The following MTUS1 variants were observed in gnomAD, a reference collection of about 807,000 sequenced individuals.
The protein encoded by MTUS1 is microtubule-associated tumor suppressor 1.
In MTUS1, 109 loss-of-function variants were observed where a neutral mutation model predicts 120.8. That is an observed-to-expected ratio of 0.90 (90% CI 0.77 to 1.06). The LOEUF (loss-of-function observed/expected upper bound fraction) is 1.06. Ranked by LOEUF, MTUS1 falls within the 50% of genes least tolerant of loss-of-function variation. The pLI, the probability that MTUS1 is intolerant of heterozygous loss-of-function variation, is 0.00. For missense variants in MTUS1, 2,210 were observed against 1,486.3 expected (o/e 1.49, Z -8.01); for synonymous variants, 737 against 550.5 (o/e 1.34, Z -4.74).
chr8:17,707,199 C>T (rs945846830), intron 6 of MTUS1, among the ~76,000 whole-genome samples: 1 of 152,132 alleles, frequency 6.6e-6, no homozygotes, highest in Non-Finnish European at 1.5e-5. Context: ...CAGAATATCA[C>T]AGTAGGGAGA....
Position 17,645,658 on chromosome 8 carries a change from C to CT in MTUS1, c.*267dup, listed in dbSNP as rs1299345365. 5.8e-6 allele frequency: 2 copies of CT among 342,250 alleles called. No homozygotes were observed. The highest frequency in any genetic ancestry group is 1.1e-4 in the East Asian group (2 of 17,884). 21.2% of individuals were successfully genotyped at this position (342,250 alleles called of 1,614,324 possible). On this transcript the variant is annotated 3_prime_UTR_variant, in exon 15 of 15. Transcript: ENST00000693296. ...AGGCAATGAACAAGATGCTCTCGTTCTTTAAGTGCTTTGTGCAACAACGTC... is the reference window on the plus strand; with the variant it reads ...AGGCAATGAACAAGATGCTCTCGTTCTTTTAAGTGCTTTGTGCAACAACGTC...
At chr8:17,685,053 T>G (rs1427137708) in intron 6 of MTUS1, among the ~76,000 whole-genome samples, 1 of 152,208 alleles carries the variant, frequency 6.6e-6, no homozygotes, top group Non-Finnish European at 1.5e-5. Flanking sequence ...GATGAGTCAT[T>G]TCCTAATCTC....
intron 3 of MTUS1, among the ~76,000 whole-genome samples, chr8:17,732,923 C>A (rs1264831535): frequency 1.3e-5 from 2 of 152,160 alleles, no homozygotes; most frequent in East Asian, 3.9e-4. Context: ...ATCACAGCGA[C>A]CCCCGCAAGC....
At chr8:17,728,798 G>A (rs183203051) in intron 3 of MTUS1, among the ~76,000 whole-genome samples, 4 of 152,092 alleles carry the variant, frequency 2.6e-5, no homozygotes, top group Non-Finnish European at 5.9e-5. Context: ...GGTCGGGGAG[G>A]GTGAGGCTTT....
rs370659171 is a variant in MTUS1, at chr8:17,741,868, T to TA, written c.2287+1735dup. On this transcript the variant is annotated intron_variant, in intron 3 of 14. Coordinates refer to ENST00000693296, the MANE Select transcript of MTUS1 (RefSeq NM_001363059.2). The stretch of plus-strand genomic sequence containing the variant: ...ACAGGGTCTTAGATTCTCAGACACT[T>TA]ACACTTTCAAGATGTGAAGATGAAG... Among the ~76,000 whole-genome samples, 303 of 152,252 alleles carry TA rather than the reference T, an allele frequency of 2.0e-3. 2 individuals are homozygous for TA. Among genetic ancestry groups the TA allele is most frequent in the African/African-American group, 7.1e-3 (294 of 41,548 alleles).
In MTUS1 at chr8:17,723,839, G is replaced by A; in HGVS notation, c.2288-6C>T. ...TTTCAAGGATGTAGGCTTTCCTTGG[G>A]GTTTAAAAAAAACAAAAAGTTTCCA... On this transcript the variant is annotated splice_region_variant and splice_polypyrimidine_tract_variant and intron_variant, in intron 3 of 14. Coordinates refer to ENST00000693296, the MANE Select transcript of MTUS1 (RefSeq NM_001363059.2). 1 of 1,540,696 alleles carries A rather than the reference G, an allele frequency of 6.5e-7. No individual in the cohort carries two copies. The highest frequency in any genetic ancestry group is 8.7e-7 in the Non-Finnish European group (1 of 1,145,188).
chr8:17,779,460 G>A (rs930293502), intron 1 of MTUS1, among the ~76,000 whole-genome samples: 1 of 152,186 alleles, frequency 6.6e-6, no homozygotes, highest in African/African-American at 2.4e-5. Context: ...TAAAACCCAT[G>A]TTCTGGTGTT....
intron 1 of MTUS1, among the ~76,000 whole-genome samples, chr8:17,795,859 C>G (rs996189877): frequency 1.3e-5 from 2 of 152,102 alleles, no homozygotes; most frequent in Admixed American, 6.5e-5. Flanking sequence ...TGGTCTCAAA[C>G]TCCTGACCTC....
At chr8:17,752,110 T>G (rs1253074892) in intron 2 of MTUS1, among the ~76,000 whole-genome samples, 1 of 152,124 alleles carries the variant, frequency 6.6e-6, no homozygotes, top group East Asian at 1.9e-4. Context: ...AAAACAGGTT[T>G]TCAAGCTGCA....
At chr8:17,798,515 G>A (rs1036300789) in intron 1 of MTUS1, among the ~76,000 whole-genome samples, 1 of 151,974 alleles carries the variant, frequency 6.6e-6, no homozygotes, top group African/African-American at 2.4e-5. Context: ...TGTATCTTTA[G>A]TAGAGACGGG....
At chr8:17,745,766 T>C (rs895261669) in intron 2 of MTUS1, among the ~76,000 whole-genome samples, 2 of 152,222 alleles carry the variant, frequency 1.3e-5, no homozygotes, top group African/African-American at 4.8e-5. Flanking sequence ...TCCTTCTACC[T>C]GTCCGGTTAT....
chr8:17,687,589 CAATTT>C (rs1816091954), intron 6 of MTUS1, among the ~76,000 whole-genome samples: 1 of 152,114 alleles, frequency 6.6e-6, no homozygotes, highest in Non-Finnish European at 1.5e-5. Context: ...TTTAAAGGGC[CAATTT>C]AATCAGAAAC....
chr8:17,673,939 T>C (rs1812539042), intron 8 of MTUS1, among the ~76,000 whole-genome samples: 1 of 152,184 alleles, frequency 6.6e-6, no homozygotes, highest in African/African-American at 2.4e-5. Flanking sequence ...CCTTGCATTA[T>C]TCATACAACA....
At chr8:17,715,694 A>T in intron 5 of MTUS1, 73 bp downstream of exon 5, 1 of 1,456,402 alleles carries the variant, frequency 6.9e-7, no homozygotes, top group Non-Finnish European at 9.3e-7. Flanking sequence ...CTAATTGTCA[A>T]AATTTAACTT....
intron 7 of MTUS1, among the ~76,000 whole-genome samples, chr8:17,676,774 T>G (rs997950325): frequency 6.6e-6 from 1 of 152,138 alleles, no homozygotes; most frequent in East Asian, 1.9e-4. Context: ...AAAGGGAAAC[T>G]TGTTCTTCGA....
At chr8:17,709,454 T>TAA (rs1009425832) in intron 6 of MTUS1, among the ~76,000 whole-genome samples, 1 of 152,126 alleles carries the variant, frequency 6.6e-6, no homozygotes, top group Non-Finnish European at 1.5e-5. Context: ...TTAACTATCC[T>TAA]ATTAGCTCTC....
intron 8 of MTUS1, among the ~76,000 whole-genome samples, chr8:17,668,006 T>C (rs922691591): frequency 1.3e-5 from 2 of 152,198 alleles, no homozygotes; most frequent in Non-Finnish European, 2.9e-5. Context: ...TAAAATCTTG[T>C]TTCACAAAAT....
intron 3 of MTUS1, among the ~76,000 whole-genome samples, chr8:17,740,037 C>A (rs1435708369): frequency 6.6e-6 from 1 of 152,078 alleles, no homozygotes; most frequent in Non-Finnish European, 1.5e-5. Flanking sequence ...GAAACCCTGT[C>A]TCTACTAAAA....
intron 2 of MTUS1, among the ~76,000 whole-genome samples, chr8:17,744,689 C>CTTTTTTTTTTTTTTTT (rs58283163): frequency 3.1e-3 from 311 of 99,042 alleles, no homozygotes; most frequent in Non-Finnish European, 4.1e-3. Flanking sequence ...ACCATGTTTT[C>CTTTTTTTTTTTTTTTT]TTTTTTTTTT....
Sources: allele counts gnomAD v4.1 joint callset (sites outside exome capture counted in the v4.1 genomes callset), GRCh38; gene constraint gnomAD v4.1.1; transcripts MANE v1.5; gene names NCBI Gene and HGNC (gene_info 2026-07-23, HGNC 2026-07-21).